GAPVD1: variants seen among roughly 807,000 people sequenced by gnomAD.
GAPVD1 encodes GTPase activating protein and VPS9 domains 1, also known as GTPase-activating protein and VPS9 domain-containing protein 1.
A neutral mutation model predicts 155.5 loss-of-function variants in GAPVD1; 35 were observed. The ratio of observed to expected loss-of-function variants is 0.23; its 90% CI spans 0.17 to 0.30. The LOEUF is 0.30. Ranked by LOEUF, GAPVD1 falls within the 10% of genes least tolerant of loss-of-function variation. The probability of loss-of-function intolerance (pLI) is 1.00; values close to 1 mark genes in which losing one functional copy is unlikely to be tolerated. For missense variants in GAPVD1, 1,429 were observed against 1,775.7 expected, an observed-to-expected ratio of 0.80 and a Z score of 3.51; for synonymous variants, 636 against 619.7, an observed-to-expected ratio of 1.03 and a Z score of -0.39.
At chr9:125,332,873 A>T (rs747945431) in intron 15 of GAPVD1, among the ~76,000 whole-genome samples, 6 of 152,228 alleles carry the variant, frequency 3.9e-5, no homozygotes, top group African/African-American at 4.8e-5. Context: ...GATGTTCTTT[A>T]TAATGTTTTG....
chr9:125,300,545 A>G (rs190038819), intron 4 of GAPVD1, among the ~76,000 whole-genome samples: 1 of 152,246 alleles, frequency 6.6e-6, no homozygotes, highest in Admixed American at 6.6e-5. Flanking sequence ...AAAAGAATAC[A>G]TACTGTATGA....
At position 125,261,875 on chromosome 9, in the gene GAPVD1, G is replaced by C. The variant is rs1345689951; in HGVS notation, c.-283G>C. 6.5e-6 allele frequency: 1 copy of C among 154,088 alleles called. No individual in the cohort carries two copies. The highest frequency in any genetic ancestry group is 1.9e-4 in the East Asian group (1 of 5,282). 9.5% of individuals were successfully genotyped at this position (154,088 alleles called of 1,614,324 possible). ...CGAAGGTGGCGGCAGCGGCGGCGGG[G>C]GCAGTCACCGGCTAGGGCGACGGCT... On this transcript the variant is annotated 5_prime_UTR_variant, in exon 1 of 28. Coordinates refer to ENST00000297933, the MANE Select transcript of GAPVD1 (RefSeq NM_001282680.3).
rs536522855 is a variant in GAPVD1 at position 125,366,032 on chromosome 9, C to T, written c.*3286C>T. ...TCTCAGCCACAGTAATTGCTTTCTT[C>T]TGCTTTTTCTTTATAAAAACCTGCT... On this transcript the variant is annotated 3_prime_UTR_variant, in exon 28 of 28. Transcript: ENST00000297933. 2 of 152,204 alleles carry T rather than the reference C, an allele frequency of 1.3e-5. No individual in the cohort carries two copies. The highest frequency in any genetic ancestry group is 2.1e-4 in the South Asian group (1 of 4,834). The allele number at this position is 152,204 out of a possible 1,614,324, so 9.4% of individuals were successfully genotyped here.
chr9:125,310,126 A>T (rs1842451324), intron 8 of GAPVD1: 1 of 233,950 alleles, frequency 4.3e-6, no homozygotes. Flanking sequence ...ATAAAATTTG[A>T]TTGCTTGCAT....
intron 2 of GAPVD1, among the ~76,000 whole-genome samples, chr9:125,271,791 TCCACCTGCCTCGAGTGCTGGGCTTAC>T: frequency 6.6e-6 from 1 of 152,250 alleles, no homozygotes; most frequent in Non-Finnish European, 1.5e-5. Flanking sequence ...CCTCAAGTGA[TCCACCTGCCTCGAGTGCTGGGCTTAC>T]CCACCGCACC....
chr9:125,350,607 C>G lies in GAPVD1; in HGVS notation c.3410-106C>G. ...TTGGGAGTGGCAATACAGCTTAGTT[C>G]TAATGATACGTGACAAAGCAGAATT... On this transcript the variant is annotated intron_variant, in intron 22 of 27. Transcript: ENST00000297933. The G allele has an allele frequency of 6.8e-6, 5 of 735,006 alleles. No homozygotes were observed. In the South Asian group the frequency reaches 7.2e-5, roughly 11 times the overall value. 45.5% of individuals were successfully genotyped at this position (735,006 alleles called of 1,614,324 possible).
intron 2 of GAPVD1, among the ~76,000 whole-genome samples, chr9:125,278,464 T>C (rs749167580): frequency 6.6e-6 from 1 of 152,156 alleles, no homozygotes; most frequent in Non-Finnish European, 1.5e-5. Context: ...GAGGTTGCAG[T>C]GAGCCAAGAT....
chr9:125,339,122 T>C (rs757815844), intron 17 of GAPVD1, among the ~76,000 whole-genome samples: 28 of 152,220 alleles, frequency 1.8e-4, no homozygotes, highest in Non-Finnish European at 3.5e-4. Context: ...GTTGGGAGTA[T>C]AGGCATGCAC....
chr9:125,264,718 A>ATT (rs749792737), intron 1 of GAPVD1, among the ~76,000 whole-genome samples: 12 of 136,610 alleles, frequency 8.8e-5, no homozygotes, highest in South Asian at 2.3e-4. Flanking sequence ...ATGGAGGTGG[A>ATT]TTTTTTTTTT....
chr9:125,285,483 A>C (rs1310552988), intron 2 of GAPVD1, among the ~76,000 whole-genome samples: 1 of 110,188 alleles, frequency 9.1e-6, no homozygotes, highest in East Asian at 3.0e-4. Context: ...TTTGAGGTAG[A>C]GTCTTCCTCT....
At chr9:125,268,701 C>G (rs1003723594) in intron 1 of GAPVD1, among the ~76,000 whole-genome samples, 1 of 151,892 alleles carries the variant, frequency 6.6e-6, no homozygotes, top group Non-Finnish European at 1.5e-5. Context: ...TTTGACCAGA[C>G]GAGTTTTAAA....
At chr9:125,340,178 G>C (rs1037745819) in intron 17 of GAPVD1, among the ~76,000 whole-genome samples, 1 of 152,056 alleles carries the variant, frequency 6.6e-6, no homozygotes, top group East Asian at 1.9e-4. Flanking sequence ...GCACCACCAC[G>C]CCCGGCCAAT....
chr9:125,341,036 G>C (rs1847780050), intron 17 of GAPVD1, 141 bp from the exon 18 acceptor site: 1 of 644,132 alleles, frequency 1.6e-6, no homozygotes, highest in African/African-American at 1.8e-5. Context: ...AGTGAGCTGT[G>C]ATTGTGCTAC....
chr9:125,296,481 A>G (rs1588726332), intron 3 of GAPVD1, among the ~76,000 whole-genome samples: 1 of 146,058 alleles, frequency 6.8e-6, no homozygotes, highest in African/African-American at 2.6e-5. Flanking sequence ...CAGTCTCCTG[A>G]GTAACTGGGA....
intron 2 of GAPVD1, among the ~76,000 whole-genome samples, chr9:125,276,776 T>A (rs962465751): frequency 3.3e-5 from 5 of 152,118 alleles, no homozygotes; most frequent in Admixed American, 1.3e-4. Flanking sequence ...TTTGTTTTGT[T>A]TTGAGACAGG....
intron 2 of GAPVD1, among the ~76,000 whole-genome samples, chr9:125,293,789 AAT>A (rs1365495245): frequency 3.1e-5 from 4 of 128,690 alleles, no homozygotes; most frequent in Non-Finnish European, 6.4e-5. Context: ...TATAAAATAA[AAT>A]ATATAAAAAT....
Position 125,363,727 on chromosome 9 carries a change from T to G in GAPVD1, c.*981T>G, listed in dbSNP as rs982076171. 6.6e-6 allele frequency: 1 copy of G among 152,658 alleles called. No individual in the cohort carries two copies. The highest frequency in any genetic ancestry group is 1.5e-5 in the Non-Finnish European group (1 of 68,044). The allele number at this position is 152,658 out of a possible 1,614,324, so 9.5% of individuals were successfully genotyped here. ...TCACATTGAATGCACAGACCAAGAA[T>G]TCAGTGAATGTCATTTTTTAAAAAA... On this transcript the variant is annotated 3_prime_UTR_variant, in exon 28 of 28. Transcript: ENST00000297933.
At chr9:125,299,570 G>A (rs1327313501) in intron 4 of GAPVD1, among the ~76,000 whole-genome samples, 2 of 151,778 alleles carry the variant, frequency 1.3e-5, no homozygotes, top group Admixed American at 1.3e-4. Context: ...GCAGAGAATT[G>A]CTTGAACCCG....
intron 2 of GAPVD1, among the ~76,000 whole-genome samples, chr9:125,289,180 G>T (rs1838206491): frequency 6.6e-6 from 1 of 152,118 alleles, no homozygotes; most frequent in Non-Finnish European, 1.5e-5. Flanking sequence ...GAATTATATG[G>T]TCTCCTGGTA....
Sources: gnomAD v4.1 joint callset for allele counts (sites outside exome capture counted in the v4.1 genomes callset) on GRCh38, gnomAD v4.1.1 for gene constraint, MANE v1.5 for transcripts, NCBI Gene and HGNC (gene_info 2026-07-23, HGNC 2026-07-21) for gene names.